DCC: variants seen among roughly 807,000 people sequenced by gnomAD.
DCC encodes DCC netrin 1 receptor, also known as netrin receptor DCC.
Under a neutral mutation model 172.5 loss-of-function variants are expected in DCC, and 58 were observed. That is an observed-to-expected ratio of 0.34 (90% CI 0.27 to 0.42). The LOEUF (loss-of-function observed/expected upper bound fraction) is 0.42. DCC is among the 10% of genes least tolerant of loss of function. DCC has a pLI of 1.00. For missense variants in DCC, 1,740 were observed against 1,791.0 expected, an observed-to-expected ratio of 0.97 and a Z score of 0.51; for synonymous variants, 709 against 644.5, an observed-to-expected ratio of 1.10 and a Z score of -1.52.
At chr18:53,007,089 C>A (rs748036083) in intron 5 of DCC, among the ~76,000 whole-genome samples, 4 of 152,094 alleles carry the variant, frequency 2.6e-5, no homozygotes, top group Non-Finnish European at 5.9e-5. Flanking sequence ...GAAAACAAAA[C>A]TGTAAAAACC....
chr18:52,542,602 G>T (rs779680274), intron 1 of DCC, among the ~76,000 whole-genome samples: 20 of 152,148 alleles, frequency 1.3e-4, no homozygotes, highest in Non-Finnish European at 2.2e-4. Context: ...TTGGAAGGCC[G>T]AGGTGGGCAG....
chr18:53,349,409 A>G (rs185066051), intron 15 of DCC, among the ~76,000 whole-genome samples: 6 of 152,246 alleles, frequency 3.9e-5, no homozygotes, highest in East Asian at 3.9e-4. Context: ...ACATTGTCCT[A>G]TCTTCTTCTG....
chr18:52,807,873 A>G lies in DCC; in HGVS notation c.412+55499A>G, dbSNP rs554563072. Among the ~76,000 whole-genome samples the G allele has an allele frequency of 7.9e-5, 12 of 151,506 alleles. No individual in the cohort carries two copies. In the South Asian group the frequency reaches 2.6e-3, roughly 33 times the overall value. The stretch of plus-strand genomic sequence containing the variant: ...GAGGGATCATCCAATCATACACCTC[A>G]TCTCTCAATCTCTCCTGGATACATA... On this transcript the variant is annotated intron_variant, in intron 2 of 28. Coordinates refer to ENST00000442544, the MANE Select transcript of DCC (RefSeq NM_005215.4).
chr18:52,352,323 G>T (rs572578584), intron 1 of DCC, among the ~76,000 whole-genome samples: 1 of 152,214 alleles, frequency 6.6e-6, no homozygotes, highest in East Asian at 1.9e-4. Flanking sequence ...TTATTGTTGT[G>T]ATTTTAGAGA....
chr18:53,413,480 T>A (rs1012723191), intron 20 of DCC, among the ~76,000 whole-genome samples: 6 of 152,170 alleles, frequency 3.9e-5, no homozygotes, highest in African/African-American at 1.2e-4. Context: ...ATCCATATGG[T>A]CCCTGTTGGA....
chr18:53,034,888 G>T (rs2042072469), intron 5 of DCC, among the ~76,000 whole-genome samples: 1 of 151,910 alleles, frequency 6.6e-6, no homozygotes, highest in African/African-American at 2.4e-5. Context: ...CTTGAGATTT[G>T]CTGTTCTCCC....
At chr18:53,250,314 T>A (rs1373992924) in intron 12 of DCC, among the ~76,000 whole-genome samples, 1 of 151,936 alleles carries the variant, frequency 6.6e-6, no homozygotes, top group Non-Finnish European at 1.5e-5. Flanking sequence ...AAAACTAATT[T>A]AAAAAAATGA....
rs1057485271 is a variant in DCC at position 52,786,877 on chromosome 18, A to T, written c.412+34503A>T. The stretch of plus-strand genomic sequence containing the variant: ...TCCTTAAAGGGAAGCATATACTTCC[A>T]GTCAAAGCCTTGATAAAATAACCAG... On this transcript the variant is annotated intron_variant, in intron 2 of 28. Transcript: ENST00000442544. Among the ~76,000 whole-genome samples, 5 of 152,132 alleles carry T rather than the reference A, an allele frequency of 3.3e-5. No homozygotes were observed. The East Asian group carries it at 7.7e-4, about 23-fold the overall frequency.
chr18:53,197,377 G>A (rs1411215563), intron 9 of DCC, among the ~76,000 whole-genome samples: 1 of 148,722 alleles, frequency 6.7e-6, no homozygotes, highest in Non-Finnish European at 1.5e-5. Flanking sequence ...TTACTGCAAT[G>A]ACAACACGTG....
chr18:52,884,630 C>G (rs1186332360), intron 2 of DCC, among the ~76,000 whole-genome samples: 1 of 152,092 alleles, frequency 6.6e-6, no homozygotes, highest in Non-Finnish European at 1.5e-5. Context: ...TGAGTTTCTT[C>G]AAAACAACTA....
intron 1 of DCC, among the ~76,000 whole-genome samples, chr18:52,631,069 C>T (rs966447447): frequency 6.6e-6 from 1 of 152,170 alleles, no homozygotes. Context: ...CCATCAGCAC[C>T]TATTCGGAGG....
At chr18:53,309,962 G>GTATATATATC (rs5825007) in intron 13 of DCC, among the ~76,000 whole-genome samples, 1 of 133,306 alleles carries the variant, frequency 7.5e-6, no homozygotes, top group Non-Finnish European at 1.6e-5. Context: ...ATATACGTGT[G>GTATATATATC]TGTATATATA....
At chr18:52,411,553 A>G (rs926791802) in intron 1 of DCC, among the ~76,000 whole-genome samples, 3 of 152,284 alleles carry the variant, frequency 2.0e-5, no homozygotes, top group Non-Finnish European at 1.5e-5. Flanking sequence ...CATCTAGGGT[A>G]GGGTCTGTCT....
At chr18:52,613,304 G>A (rs1027050847) in intron 1 of DCC, among the ~76,000 whole-genome samples, 4 of 152,248 alleles carry the variant, frequency 2.6e-5, no homozygotes, top group Admixed American at 2.6e-4. Flanking sequence ...AGCCCAGGCT[G>A]GAGTGCATTG....
chr18:53,090,719 A>AAAAAAAAAAAAAAAAAAAAAAAAG (rs1204000351), intron 7 of DCC, among the ~76,000 whole-genome samples: 1 of 136,864 alleles, frequency 7.3e-6, no homozygotes, highest in East Asian at 2.3e-4. Flanking sequence ...AAAAAAAAAA[A>AAAAAAAAAAAAAAAAAAAAAAAAG]AAAAAAAAAA....
chr18:52,581,481 G>C (rs1378344103), intron 1 of DCC, among the ~76,000 whole-genome samples: 1 of 152,108 alleles, frequency 6.6e-6, no homozygotes, highest in Non-Finnish European at 1.5e-5. Context: ...TGTAGTTGGA[G>C]CTCAATAAAT....
chr18:53,229,713 C>T (rs1035522154), intron 12 of DCC, among the ~76,000 whole-genome samples: 6 of 151,946 alleles, frequency 3.9e-5, no homozygotes, highest in Admixed American at 2.0e-4. Context: ...CTAGGATTGC[C>T]AGTTTCTAAG....
rs190718215 is a variant in DCC, at chr18:52,923,617, C to T, written c.698-90C>T. The T allele has an allele frequency of 2.3e-5, 24 of 1,040,232 alleles. No individual in the cohort carries two copies. The Admixed American group carries it at 3.6e-4, about 16-fold the overall frequency. 64.4% of individuals were successfully genotyped at this position (1,040,232 alleles called of 1,614,324 possible). A position where few individuals can be genotyped will look rare whatever the true frequency, so the allele number is the denominator to read the frequency against. On this transcript the variant is annotated intron_variant, in intron 3 of 28. Coordinates refer to ENST00000442544, the MANE Select transcript of DCC (RefSeq NM_005215.4). Reference sequence around the variant, plus strand: ...CATTGGCATCTTTTCATTTTTCTTTCCATCTTTTGTTAGGAAAAAAATCAA... The same window carrying T: ...CATTGGCATCTTTTCATTTTTCTTTTCATCTTTTGTTAGGAAAAAAATCAA...
At chr18:52,485,049 T>G (rs1410243099) in intron 1 of DCC, among the ~76,000 whole-genome samples, 3 of 152,132 alleles carry the variant, frequency 2.0e-5, no homozygotes, top group Non-Finnish European at 4.4e-5. Flanking sequence ...CTTCTTGCCT[T>G]TAAGACTTGG....
Sources: gnomAD v4.1 joint callset for allele counts (sites outside exome capture counted in the v4.1 genomes callset) on GRCh38, gnomAD v4.1.1 for gene constraint, MANE v1.5 for transcripts, NCBI Gene and HGNC (gene_info 2026-07-23, HGNC 2026-07-21) for gene names.